The following JAK1 variants were observed in gnomAD, a reference collection of about 807,000 sequenced individuals.
JAK1 encodes the protein tyrosine-protein kinase JAK1.
A neutral mutation model predicts 136.6 loss-of-function variants in JAK1; 16 were observed. The observed-to-expected ratio is 0.12, with a 90% CI of 0.08 to 0.18. The LOEUF (loss-of-function observed/expected upper bound fraction) is 0.18. Ranked by LOEUF, JAK1 falls within the 10% of genes least tolerant of loss-of-function variation. The probability of loss-of-function intolerance (pLI) is 1.00; values close to 1 mark genes in which losing one functional copy is unlikely to be tolerated. For missense variants in JAK1, 859 were observed against 1,450.1 expected, an observed-to-expected ratio of 0.59 and a Z score of 6.62; for synonymous variants, 492 against 519.5, an observed-to-expected ratio of 0.95 and a Z score of 0.72.
intron 1 of JAK1, among the ~76,000 whole-genome samples, chr1:65,061,409 G>A (rs1423702857): frequency 6.6e-6 from 1 of 152,128 alleles, no homozygotes; most frequent in African/African-American, 2.4e-5. Context: ...AATCAATGTG[G>A]AGTACAAATA....
chr1:64,875,319 G>A (rs310230), intron 4 of JAK1, among the ~76,000 whole-genome samples: 51,431 of 152,058 alleles, frequency 0.34, 9,188 homozygotes, highest in African/African-American at 0.44. Context: ...ACGAAAGCCA[G>A]GCACATATGA....
At chr1:65,021,042 C>T (rs1197656774) in intron 2 of JAK1, among the ~76,000 whole-genome samples, 1 of 152,186 alleles carries the variant, frequency 6.6e-6, no homozygotes, top group Non-Finnish European at 1.5e-5. Flanking sequence ...TTTTGCTCCT[C>T]TCCCTTCCCT....
intron 7 of JAK1, 91 bp downstream of exon 7, chr1:64,866,775 G>T: frequency 1.1e-6 from 1 of 896,918 alleles, no homozygotes; most frequent in Non-Finnish European, 1.8e-6. Context: ...GGGAGTGATG[G>T]ACATGCAGAC....
At chr1:64,836,050 C>T in intron 23 of JAK1, 48 bp downstream of exon 23, 1 of 994,892 alleles carries the variant, frequency 1.0e-6, no homozygotes, top group Non-Finnish European at 1.6e-6. Flanking sequence ...GGGATGGACA[C>T]ATTTTAAATG....
chr1:64,886,751 T>TACACACACACACACAC (rs3838404), intron 1 of JAK1, among the ~76,000 whole-genome samples: 6 of 138,944 alleles, frequency 4.3e-5, no homozygotes, highest in East Asian at 2.2e-4. Flanking sequence ...CAACCTTGTC[T>TACACACACACACACAC]ACACACACAC....
At position 64,877,248 on chromosome 1, in the gene JAK1, ACG is replaced by A. The variant is rs1644686966; in HGVS notation, c.329+1775_329+1776del. 1.3e-5 allele frequency among the ~76,000 whole-genome samples: 2 copies of A among 152,296 alleles called. 1 individual carries two copies. Among genetic ancestry groups the A allele is most frequent in the Non-Finnish European group, 2.9e-5 (2 of 68,014 alleles). On this transcript the variant is annotated intron_variant, in intron 4 of 24. Coordinates refer to ENST00000342505, the MANE Select transcript of JAK1 (RefSeq NM_002227.4). ...TCATCACCAACATTTATTTTCATTT[ACG>A]CCTCCTTTAGTGGTGAGATTATGAG...
At chr1:64,882,936 A>G (rs1011270070) in intron 3 of JAK1, among the ~76,000 whole-genome samples, 3 of 152,320 alleles carry the variant, frequency 2.0e-5, no homozygotes, top group African/African-American at 2.4e-5. Flanking sequence ...GTAGCACCTC[A>G]TCTAGTGCTG....
intron 1 of JAK1, among the ~76,000 whole-genome samples, chr1:65,063,389 T>C (rs920483374): frequency 6.6e-6 from 1 of 152,158 alleles, no homozygotes; most frequent in African/African-American, 2.4e-5. Flanking sequence ...TACACTAATC[T>C]CCCTAATATA....
intron 7 of JAK1, among the ~76,000 whole-genome samples, chr1:64,866,001 C>T (rs1193898676): frequency 1.3e-5 from 2 of 152,212 alleles, no homozygotes; most frequent in Non-Finnish European, 2.9e-5. Context: ...CTCAAGTGAT[C>T]TGCCTGCCTC....
intron 10 of JAK1, among the ~76,000 whole-genome samples, chr1:64,856,152 C>G (rs536457360): frequency 1.3e-5 from 2 of 152,318 alleles, no homozygotes; most frequent in South Asian, 4.1e-4. Flanking sequence ...AAACTGAGCC[C>G]TTCCAGGCCA....
At chr1:65,006,226 T>A (rs1178661649) in intron 2 of JAK1, among the ~76,000 whole-genome samples, 1 of 152,264 alleles carries the variant, frequency 6.6e-6, no homozygotes, top group Non-Finnish European at 1.5e-5. Context: ...TAGTTCACTA[T>A]GTCATAAACT....
At chr1:64,859,969 G>T in intron 9 of JAK1, 136 bp downstream of exon 9, 1 of 639,220 alleles carries the variant, frequency 1.6e-6, no homozygotes, top group East Asian at 3.0e-5. Context: ...TTGGACAGCA[G>T]GGAGGAAAGG....
intron 2 of JAK1, among the ~76,000 whole-genome samples, chr1:65,017,054 A>C (rs1646897199): frequency 6.6e-6 from 1 of 152,256 alleles, no homozygotes; most frequent in South Asian, 2.1e-4. Context: ...AGTACCTAGT[A>C]GTGCAGCCAC....
At chr1:64,985,561 C>A (rs1646590767) in intron 2 of JAK1, 1 of 1,167,448 alleles carries the variant, frequency 8.6e-7, no homozygotes, top group Non-Finnish European at 1.3e-6. Context: ...TCTTCAGACC[C>A]CAGGATGAAT....
intron 1 of JAK1, among the ~76,000 whole-genome samples, chr1:64,902,845 T>C (rs111476674): frequency 1.6e-3 from 238 of 152,202 alleles, no homozygotes; most frequent in African/African-American, 5.4e-3. Flanking sequence ...ATGCTCACAA[T>C]AGTGACTACA....
At chr1:65,035,938 C>T (rs1394666743) in intron 2 of JAK1, among the ~76,000 whole-genome samples, 1 of 151,852 alleles carries the variant, frequency 6.6e-6, no homozygotes, top group Non-Finnish European at 1.5e-5. Flanking sequence ...TGTGGTAGCG[C>T]ACGCCTGTAG....
Position 64,973,617 on chromosome 1 carries a change from T to C in JAK1, c.-78+70863A>G, listed in dbSNP as rs370276948. 1.5e-4 allele frequency: 22 copies of C among 142,418 alleles called. 3 individuals carry two copies. The highest frequency in any genetic ancestry group is 3.6e-4 in the Admixed American group (5 of 13,720). 8.8% of individuals were successfully genotyped at this position (142,418 alleles called of 1,614,324 possible). A position where few individuals can be genotyped will look rare whatever the true frequency, so the allele number is the denominator to read the frequency against. On this transcript the variant is annotated intron_variant, in intron 2 of 25. Transcript: ENST00000671954. ...TTAACAATCCCTTCCCTCGTCTCAC[T>C]TTGCAAAAAAAAAAAAAAAAAAAAG...
At chr1:64,836,321 T>A in intron 22 of JAK1, 106 bp from the exon 23 acceptor site, 1 of 724,048 alleles carries the variant, frequency 1.4e-6, no homozygotes, top group Non-Finnish European at 2.5e-6. Flanking sequence ...TATAATTTAA[T>A]ACAGCATCTG....
chr1:64,915,157 A>G (rs980857436), intron 1 of JAK1, among the ~76,000 whole-genome samples: 1 of 152,190 alleles, frequency 6.6e-6, no homozygotes, highest in Non-Finnish European at 1.5e-5. Flanking sequence ...ATTGAACAGA[A>G]ATACCCAATT....
Sources: gnomAD v4.1 joint callset for allele counts (sites outside exome capture counted in the v4.1 genomes callset) on GRCh38, gnomAD v4.1.1 for gene constraint, MANE v1.5 for transcripts, NCBI Gene and HGNC (gene_info 2026-07-23, HGNC 2026-07-21) for gene names.